The following RAPGEF2 variants were observed in gnomAD, a reference collection of about 807,000 sequenced individuals.
RAPGEF2 encodes Rap guanine nucleotide exchange factor 2.
In RAPGEF2, 54 loss-of-function variants were observed where a neutral mutation model predicts 186.7. The observed-to-expected ratio is 0.29, with a 90% CI of 0.23 to 0.36. The LOEUF (loss-of-function observed/expected upper bound fraction) is 0.36, where lower values mean the gene tolerates loss of function less well. Among genes scored for constraint, RAPGEF2 ranks in the 10% least tolerant of loss-of-function variants. The pLI is 1.00. For missense variants in RAPGEF2, 1,532 were observed against 2,045.0 expected (o/e 0.75, Z 4.84); for synonymous variants, 712 against 705.9 (o/e 1.01, Z -0.14).
intron 1 of RAPGEF2, among the ~76,000 whole-genome samples, chr4:159,119,763 A>G (rs988810473): frequency 1.3e-5 from 2 of 152,238 alleles, no homozygotes; most frequent in Non-Finnish European, 2.9e-5. Context: ...CACTGTCTGT[A>G]ATGTAAATAT....
Position 159,238,825 on chromosome 4 carries a change from G to T in RAPGEF2, c.298G>T (p.Ala100Ser). 2 of 1,522,802 alleles carry T rather than the reference G, an allele frequency of 1.3e-6. No individual in the cohort carries two copies. The highest frequency in any genetic ancestry group is 1.8e-6 in the Non-Finnish European group (2 of 1,142,744). The allele number at this position is 1,522,802 out of a possible 1,614,324, so 94.3% of individuals were successfully genotyped here. Residue 100 changes from alanine (A) to serine (S), a missense_variant, in exon 5 of 30, where the codon GCA becomes TCA. Physicochemically the swap from Ala to Ser is moderately conservative, Grantham distance 99. This residue lies in a region of RAPGEF2 where 810 missense variants were observed against 1,210.5 expected (regional missense o/e 0.67). Coordinates refer to ENST00000691494, the MANE Select transcript of RAPGEF2 (RefSeq NM_001394067.2). The stretch of plus-strand genomic sequence containing the variant: ...TCTTTCTAGTTTTGGCAAGCGTTCT[G>T]CAGGAAGTTTTAGGCGTGGCTGTGA... The part of the protein sequence containing the change: ...LPRSSFGKRS[A>S]GSFRRGCECI...
chr4:159,114,038 C>G (rs563530781), intron 1 of RAPGEF2, among the ~76,000 whole-genome samples: 1 of 151,984 alleles, frequency 6.6e-6, no homozygotes, highest in Non-Finnish European at 1.5e-5. Context: ...CTCACTGCAG[C>G]CTCGTCCTGG....
intron 7 of RAPGEF2, among the ~76,000 whole-genome samples, chr4:159,279,058 A>G (rs1465322850): frequency 6.6e-6 from 1 of 152,108 alleles, no homozygotes; most frequent in Non-Finnish European, 1.5e-5. Context: ...TCTTTTTACT[A>G]GTTCATTATT....
intron 7 of RAPGEF2, among the ~76,000 whole-genome samples, chr4:159,251,258 C>T (rs1056162198): frequency 7.8e-4 from 119 of 152,380 alleles, no homozygotes; most frequent in African/African-American, 2.4e-3. Context: ...TCCCGACGGG[C>T]GCCGTCCCTT....
intron 7 of RAPGEF2, among the ~76,000 whole-genome samples, chr4:159,293,920 G>T (rs115779773): frequency 0.011 from 1,678 of 152,250 alleles, 15 homozygotes; most frequent in East Asian, 0.034. Flanking sequence ...AGATATAGAA[G>T]TGGCGTACTC....
At chr4:159,272,643 T>C (rs1758263212) in intron 7 of RAPGEF2, among the ~76,000 whole-genome samples, 1 of 152,240 alleles carries the variant, frequency 6.6e-6, no homozygotes, top group Non-Finnish European at 1.5e-5. Context: ...TAAAACTGTT[T>C]ATCAGCTGTT....
intron 7 of RAPGEF2, among the ~76,000 whole-genome samples, chr4:159,262,779 T>G (rs1757018786): frequency 1.3e-5 from 2 of 152,228 alleles, no homozygotes; most frequent in Non-Finnish European, 2.9e-5. Flanking sequence ...GCCACATAAT[T>G]TTTCAATTAC....
intron 1 of RAPGEF2, among the ~76,000 whole-genome samples, chr4:159,135,476 A>G (rs531730835): frequency 1.3e-3 from 195 of 152,320 alleles, no homozygotes; most frequent in Non-Finnish European, 2.6e-3. Context: ...ATGCTGTTAT[A>G]AACATTCATG....
chr4:159,345,134 A>G lies in RAPGEF2; in HGVS notation c.3307A>G (p.Thr1103Ala), dbSNP rs144139979. The part of the protein sequence containing the change: ...GSLSQGSTNA[T>A]VLDVAQTGGH... ...TCTCAGCCAGGGTAGTACAAATGCA[A>G]CAGTGCTAGATGTTGCTCAGACAGG... The change falls in exon 24 of 30, where the codon ACA becomes GCA. Residue 1103 changes from threonine to alanine, a missense_variant. Physicochemically the swap from Thr to Ala is moderately conservative, Grantham distance 58. Around this residue, in one of 4 missense-constraint regions of RAPGEF2, gnomAD observed 117 missense variants for 180.8 expected, o/e 0.65. Coordinates refer to ENST00000691494, the MANE Select transcript of RAPGEF2 (RefSeq NM_001394067.2). The G allele has an allele frequency of 4.9e-4, 798 of 1,614,148 alleles. 4 individuals carry two copies. In the African/African-American group the frequency reaches 9.4e-3, roughly 19 times the overall value.
Position 159,219,347 on chromosome 4 carries a change from C to CTTTTTTTTT in RAPGEF2, c.281+8782_281+8790dup, listed in dbSNP as rs70962664. 1.2e-4 allele frequency among the ~76,000 whole-genome samples: 10 copies of CTTTTTTTTT among 81,420 alleles called. 2 individuals carry two copies. The highest frequency in any genetic ancestry group is 5.6e-4 in the African/African-American group (10 of 17,786). 53.4% of individuals were successfully genotyped at this position (81,420 alleles called of 152,430 possible). On this transcript the variant is annotated intron_variant, in intron 4 of 29. Coordinates refer to ENST00000691494, the MANE Select transcript of RAPGEF2 (RefSeq NM_001394067.2). Reference sequence around the variant, plus strand: ...CAAGGGATAGTGTCCCAACTGTATCCTTTTTTTTTTTTTTTTTTTTTTTTT... The same window carrying CTTTTTTTTT: ...CAAGGGATAGTGTCCCAACTGTATCCTTTTTTTTTTTTTTTTTTTTTTTTTTTTTTTTTT...
intron 1 of RAPGEF2, among the ~76,000 whole-genome samples, chr4:159,182,783 C>T (rs1030381647): frequency 5.3e-5 from 8 of 152,100 alleles, no homozygotes; most frequent in African/African-American, 1.9e-4. Flanking sequence ...GATTTAGTTG[C>T]ACACACAGTT....
chr4:159,325,812 A>C (rs1222400691), intron 11 of RAPGEF2, among the ~76,000 whole-genome samples: 1 of 152,162 alleles, frequency 6.6e-6, no homozygotes, highest in Admixed American at 6.5e-5. Flanking sequence ...AGTTCTGGAA[A>C]AGGAAGAGGA....
intron 7 of RAPGEF2, among the ~76,000 whole-genome samples, chr4:159,261,932 TC>T (rs1756923045): frequency 6.6e-6 from 1 of 152,204 alleles, no homozygotes; most frequent in South Asian, 2.1e-4. Context: ...TTATATTTAT[TC>T]CTGTAAAATT....
At chr4:159,104,285 G>A in intron 1 of RAPGEF2, 54 bp downstream of exon 1, 1 of 1,059,078 alleles carries the variant, frequency 9.4e-7, no homozygotes, top group Admixed American at 2.5e-5. Context: ...CGCAGGCTGC[G>A]TCTTCCCCTG....
intron 1 of RAPGEF2, among the ~76,000 whole-genome samples, chr4:159,140,854 C>CG (rs934277253): frequency 1.3e-5 from 2 of 149,148 alleles, no homozygotes; most frequent in Non-Finnish European, 3.0e-5. Context: ...TTTTTTGAGA[C>CG]GGAGTCTCAC....
intron 4 of RAPGEF2, among the ~76,000 whole-genome samples, chr4:159,228,925 G>A (rs1752324800): frequency 6.6e-6 from 1 of 152,088 alleles, no homozygotes; most frequent in Non-Finnish European, 1.5e-5. Context: ...TGGAATTGAT[G>A]GCATCAGCAG....
intron 1 of RAPGEF2, among the ~76,000 whole-genome samples, chr4:159,140,482 C>T (rs1407192991): frequency 1.3e-5 from 2 of 152,080 alleles, no homozygotes; most frequent in African/African-American, 4.8e-5. Context: ...TTTGGGATGT[C>T]TCTTTGTAAT....
chr4:159,225,673 T>C (rs1751958886), intron 4 of RAPGEF2, among the ~76,000 whole-genome samples: 1 of 152,226 alleles, frequency 6.6e-6, no homozygotes, highest in South Asian at 2.1e-4. Flanking sequence ...TCATCTTAGC[T>C]CTTCTAGTAG....
rs553545616 is a variant in RAPGEF2 at position 159,231,557 on chromosome 4, A to G, written c.282-7252A>G. 4.2e-3 allele frequency among the ~76,000 whole-genome samples: 638 copies of G among 152,232 alleles called. 2 individuals are homozygous for G. The highest frequency in any genetic ancestry group is 8.0e-3 in the Non-Finnish European group (542 of 67,980). ...TGACCATGGATAAAGAAAAAATGAGATTAATGTTAGGGGAAAGAAAAATGT... is the reference window on the plus strand; with the variant it reads ...TGACCATGGATAAAGAAAAAATGAGGTTAATGTTAGGGGAAAGAAAAATGT... On this transcript the variant is annotated intron_variant, in intron 4 of 29. Transcript: ENST00000691494.
Sources: gnomAD v4.1 joint callset for allele counts (sites outside exome capture counted in the v4.1 genomes callset) on GRCh38, gnomAD v4.1.1 for gene constraint, gnomAD v4.1.1 regional missense constraint, MANE v1.5 for transcripts, NCBI Gene and HGNC (gene_info 2026-07-23, HGNC 2026-07-21) for gene names.